Variants in ETFBKMT observed in about 807,000 individuals in gnomAD.
The protein encoded by ETFBKMT is electron transfer flavoprotein beta subunit lysine methyltransferase.
Under a neutral mutation model 18.3 loss-of-function variants are expected in ETFBKMT, and 13 were observed. The ratio of observed to expected loss-of-function variants is 0.71; its 90% CI spans 0.46 to 1.13. The LOEUF (loss-of-function observed/expected upper bound fraction) is 1.13. Among genes scored for constraint, ETFBKMT ranks in the 50% most tolerant of loss-of-function variants. ETFBKMT has a pLI of 0.00. For synonymous variants in ETFBKMT, 84 were observed against 107.9 expected, an observed-to-expected ratio of 0.78 and a Z score of 1.37; for missense variants, 293 against 306.2, an observed-to-expected ratio of 0.96 and a Z score of 0.32.
rs1453354808 is a variant in ETFBKMT at position 31,668,972 on chromosome 12, G to C, written c.*982G>C. 1.3e-5 allele frequency: 2 copies of C among 152,138 alleles called. No individual in the cohort carries two copies. The highest frequency in any genetic ancestry group is 6.6e-5 in the Admixed American group (1 of 15,266). The allele number at this position is 152,138 out of a possible 1,614,324, so 9.4% of individuals were successfully genotyped here. ...TAAAATGTCTGCCATAACTGAGTCT[G>C]GTTCTGATGCTTGTTTTCTTTTCAG... is the stretch of plus-strand genomic sequence containing the variant. On this transcript the variant is annotated 3_prime_UTR_variant, in exon 4 of 4. Coordinates refer to ENST00000357721, the MANE Select transcript of ETFBKMT (RefSeq NM_001135863.2).
chr12:31,664,988 G>A (rs1370181337), intron 2 of ETFBKMT, among the ~76,000 whole-genome samples: 1 of 146,902 alleles, frequency 6.8e-6, no homozygotes, highest in African/African-American at 2.5e-5. Flanking sequence ...CCAGGCTGGA[G>A]TGCAATGGCT....
Position 31,672,468 on chromosome 12 carries a change from TAC to T in ETFBKMT, c.*4480_*4481del, listed in dbSNP as rs1951299173. 1.1e-6 allele frequency: 1 copy of T among 903,592 alleles called. No individual in the cohort carries two copies. The allele number at this position is 903,592 out of a possible 1,614,324, so 56.0% of individuals were successfully genotyped here. Reference sequence around the variant, plus strand: ...TAACTGGAGGTGATGTTAATTATTATACAGTTATTTAAAGGATTAAAGGAGGT... The same window carrying T: ...TAACTGGAGGTGATGTTAATTATTATAGTTATTTAAAGGATTAAAGGAGGT... On this transcript the variant is annotated 3_prime_UTR_variant, in exon 4 of 4. Transcript: ENST00000357721.
At chr12:31,662,655 T>G (rs1343819285) in intron 2 of ETFBKMT, among the ~76,000 whole-genome samples, 1 of 152,022 alleles carries the variant, frequency 6.6e-6, no homozygotes, top group African/African-American at 2.4e-5. Context: ...TTTTGTTGCC[T>G]TGTTGCGTAA....
intron 1 of ETFBKMT, chr12:31,660,152 ACT>A (rs558614849): frequency 4.6e-4 from 58 of 125,050 alleles, no homozygotes; most frequent in African/African-American, 1.7e-3. Context: ...GGCAACAGAG[ACT>A]CTGTCTCAAA....
chr12:31,661,950 A>G lies in ETFBKMT; in HGVS notation c.-4A>G, dbSNP rs1396358032. On this transcript the variant is annotated 5_prime_UTR_variant, in exon 2 of 4. Coordinates refer to ENST00000357721, the MANE Select transcript of ETFBKMT (RefSeq NM_001135863.2). ...GACAGAACCTGTGTTTGGGGAAAGG[A>G]CTGATGGCTTTGAGTCTAGGTTGGA... 6.2e-7 allele frequency: 1 copy of G among 1,612,974 alleles called. No individual in the cohort carries two copies. Among genetic ancestry groups the G allele is most frequent in the African/African-American group, 1.3e-5 (1 of 74,902 alleles).
At chr12:31,654,560 T>C, upstream of ETFBKMT, among the ~76,000 whole-genome samples, 1 of 152,174 alleles carries the variant, frequency 6.6e-6, no homozygotes, top group East Asian at 1.9e-4. Flanking sequence ...CATGGGAGCT[T>C]ATCTATATGT....
chr12:31,663,483 C>T (rs1167346661), intron 2 of ETFBKMT, among the ~76,000 whole-genome samples: 1 of 152,216 alleles, frequency 6.6e-6, no homozygotes, highest in Non-Finnish European at 1.5e-5. Context: ...GCCTCGGCCT[C>T]CCAAAGTGCT....
intron 2 of ETFBKMT, among the ~76,000 whole-genome samples, chr12:31,662,505 C>CTTTTT (rs35366747): frequency 5.4e-5 from 7 of 128,828 alleles, no homozygotes; most frequent in South Asian, 2.5e-4. Flanking sequence ...TTCTTTCTTT[C>CTTTTT]TTTTTTTTTT....
At position 31,668,035 on chromosome 12, in the gene ETFBKMT, T is replaced by C; in HGVS notation, c.*45T>C. 1 of 1,509,796 alleles carries C rather than the reference T, an allele frequency of 6.6e-7. No homozygotes were observed. Among genetic ancestry groups the C allele is most frequent in the Non-Finnish European group, 9.0e-7 (1 of 1,110,176 alleles). 93.5% of individuals were successfully genotyped at this position (1,509,796 alleles called of 1,614,324 possible). On this transcript the variant is annotated 3_prime_UTR_variant, in exon 4 of 4. Coordinates refer to ENST00000357721, the MANE Select transcript of ETFBKMT (RefSeq NM_001135863.2). ...GTATGAATATAGTAATGTTTGGATCTGACTCTAAAAGTTTTCTCTATAGGA... is the reference window on the plus strand; with the variant it reads ...GTATGAATATAGTAATGTTTGGATCCGACTCTAAAAGTTTTCTCTATAGGA...
At chr12:31,660,992 G>T (rs1951115206) in intron 1 of ETFBKMT, 1 of 151,984 alleles carries the variant, frequency 6.6e-6, no homozygotes, top group African/African-American at 2.4e-5. Flanking sequence ...AGGTACAGTT[G>T]GCCCACAATA....
intron 3 of ETFBKMT, among the ~76,000 whole-genome samples, chr12:31,667,356 C>T (rs1454973647): frequency 6.6e-6 from 1 of 152,044 alleles, no homozygotes; most frequent in African/African-American, 2.4e-5. Context: ...TTTCCCTGTC[C>T]ACAGTAAAAA....
At chr12:31,660,892 A>G (rs1592134950) in intron 1 of ETFBKMT, 1 of 152,226 alleles carries the variant, frequency 6.6e-6, no homozygotes, top group Non-Finnish European at 1.5e-5. Context: ...CACCACTAGA[A>G]TATAAGCTTC....
intron 1 of ETFBKMT, among the ~76,000 whole-genome samples, chr12:31,650,626 C>CTTTTTTT (rs543201341): frequency 1.8e-4 from 26 of 140,696 alleles, no homozygotes; most frequent in East Asian, 1.1e-3. Flanking sequence ...AATGACCTGA[C>CTTTTTTT]CTTTTTTTTT....
upstream of ETFBKMT, among the ~76,000 whole-genome samples, chr12:31,657,560 G>A (rs986391772): frequency 2.2e-4 from 33 of 152,064 alleles, no homozygotes; most frequent in African/African-American, 7.0e-4. Context: ...TTGGGAGGCC[G>A]AGGTGGGCGG....
chr12:31,648,190 A>G (rs1225455086), intron 1 of ETFBKMT, among the ~76,000 whole-genome samples: 1 of 152,240 alleles, frequency 6.6e-6, no homozygotes. Flanking sequence ...TTATTTAGCC[A>G]CAAAAGGAAT....
intron 1 of ETFBKMT, among the ~76,000 whole-genome samples, chr12:31,650,190 G>A (rs1951004483): frequency 1.4e-5 from 2 of 148,074 alleles, no homozygotes; most frequent in Admixed American, 1.4e-4. Flanking sequence ...TCGCTGTAAA[G>A]ACTTTGCTGA....
chr12:31,660,840 A>G (rs1951113296), intron 1 of ETFBKMT: 1 of 152,252 alleles, frequency 6.6e-6, no homozygotes. Flanking sequence ...GCTAGACTTC[A>G]TAAAGGCAAA....
upstream of ETFBKMT, among the ~76,000 whole-genome samples, chr12:31,659,023 T>C (rs549871010): frequency 1.3e-5 from 2 of 151,724 alleles, 1 homozygote; most frequent in South Asian, 4.2e-4. Context: ...AGGTGTTGCA[T>C]AGTTTCAGAA....
intron 2 of ETFBKMT, 145 bp from the exon 3 acceptor site, chr12:31,665,942 T>C (rs548330685): frequency 9.9e-6 from 6 of 603,328 alleles, no homozygotes; most frequent in African/African-American, 3.7e-5. Context: ...GTGGGTGTTA[T>C]GGCCATCATG....
Sources: gnomAD v4.1 joint callset for allele counts (sites outside exome capture counted in the v4.1 genomes callset) on GRCh38, gnomAD v4.1.1 for gene constraint, MANE v1.5 for transcripts, NCBI Gene and HGNC (gene_info 2026-07-23, HGNC 2026-07-21) for gene names.